The following ADAM17 variants were observed in gnomAD, a reference collection of about 807,000 sequenced individuals.
ADAM17 encodes disintegrin and metalloproteinase domain-containing protein 17.
In ADAM17, 39 loss-of-function variants were observed where a neutral mutation model predicts 96.7. That is an observed-to-expected ratio of 0.40 (90% confidence interval 0.31 to 0.53). The LOEUF is 0.53. Ranked by LOEUF, ADAM17 falls within the 20% of genes least tolerant of loss-of-function variation. The pLI is 0.44. For missense variants in ADAM17, 777 were observed against 1,013.2 expected, an observed-to-expected ratio of 0.77 and a Z score of 3.17; for synonymous variants, 344 against 359.2, an observed-to-expected ratio of 0.96 and a Z score of 0.48.
At chr2:9,520,843 A>C (rs1664275743) in intron 8 of ADAM17, among the ~76,000 whole-genome samples, 1 of 151,638 alleles carries the variant, frequency 6.6e-6, no homozygotes, top group Non-Finnish European at 1.5e-5. Flanking sequence ...GCATGCCTAT[A>C]ATCCTAGCTA....
rs1454604594 is a variant in ADAM17 at position 9,531,471 on chromosome 2, G to A, written c.451-3517C>T. ...AATCCCAGCACCTTGGGAGGCCGAC[G>A]CGGGTGGATCACCTGAGACCAGGAG... On this transcript the variant is annotated intron_variant, in intron 4 of 18. Transcript: ENST00000310823. Among the ~76,000 whole-genome samples the A allele has an allele frequency of 9.3e-5, 14 of 151,076 alleles. No individual in the cohort carries two copies. The East Asian group carries it at 2.4e-3, about 26-fold the overall frequency.
chr2:9,536,723 C>A lies in ADAM17; in HGVS notation c.336G>T (p.Gln112His), dbSNP rs1664974450. 6.2e-7 allele frequency: 1 copy of A among 1,613,946 alleles called. No homozygotes were observed. The highest frequency in any genetic ancestry group is 1.3e-5 in the African/African-American group (1 of 74,898). ...KNESEYTVKW[Q>H]DFFTGHVVGE... The stretch of plus-strand genomic sequence containing the variant: ...CAACCACGTGTCCAGTGAAGAAGTC[C>A]TGCCATTTTACAGTGTACTCGCTTT... Residue 112 changes from glutamine to histidine, a missense_variant, in exon 3 of 19, where the codon CAG becomes CAT. Physicochemically the swap from Gln to His is conservative, Grantham distance 24. Coordinates refer to ENST00000310823, the MANE Select transcript of ADAM17 (RefSeq NM_003183.6).
intron 8 of ADAM17, among the ~76,000 whole-genome samples, chr2:9,520,963 T>TGAAAAAAAAAAAAA (rs1301399286): frequency 4.8e-5 from 1 of 20,990 alleles, no homozygotes; most frequent in African/African-American, 1.5e-4. Flanking sequence ...AAACTCTGTC[T>TGAAAAAAAAAAAAA]CAAAAAAAAA....
chr2:9,534,265 G>T (rs892365951), intron 4 of ADAM17, among the ~76,000 whole-genome samples: 1 of 152,068 alleles, frequency 6.6e-6, no homozygotes. Flanking sequence ...GCTACTCAAG[G>T]GTCTAAGGCG....
At chr2:9,534,621 T>C (rs73151551) in intron 4 of ADAM17, among the ~76,000 whole-genome samples, 9,726 of 152,052 alleles carry the variant, frequency 0.064, 1,097 homozygotes, top group African/African-American at 0.22. Flanking sequence ...AAACGAAAAA[T>C]GTGTGAAGAC....
chr2:9,550,086 C>T (rs958600011), intron 1 of ADAM17, among the ~76,000 whole-genome samples: 34 of 152,134 alleles, frequency 2.2e-4, no homozygotes, highest in Admixed American at 1.2e-3. Context: ...CTTCAGCACC[C>T]CCCAAAACAC....
At chr2:9,512,995 ATCCTT>A (rs1432732256) in intron 10 of ADAM17, among the ~76,000 whole-genome samples, 1 of 151,662 alleles carries the variant, frequency 6.6e-6, no homozygotes, top group African/African-American at 2.4e-5. Context: ...ATTTCTTTGT[ATCCTT>A]TCTTTTTTTT....
At chr2:9,496,919 A>G (rs1460300111) in intron 14 of ADAM17, among the ~76,000 whole-genome samples, 195 bp downstream of exon 14, 1 of 152,220 alleles carries the variant, frequency 6.6e-6, no homozygotes, top group African/African-American at 2.4e-5. Context: ...CCAACAGGAT[A>G]GGTCTCCCAG....
chr2:9,502,643 G>C (rs888061610), intron 12 of ADAM17, among the ~76,000 whole-genome samples: 1 of 152,062 alleles, frequency 6.6e-6, no homozygotes, highest in Non-Finnish European at 1.5e-5. Context: ...TTGGGAGGCC[G>C]AGGTGGGTGG....
intron 11 of ADAM17, among the ~76,000 whole-genome samples, chr2:9,506,003 G>T (rs1331736007): frequency 6.6e-6 from 1 of 152,116 alleles, no homozygotes; most frequent in Non-Finnish European, 1.5e-5. Context: ...TCCCACCCTG[G>T]AGTACAGAAC....
intron 1 of ADAM17, among the ~76,000 whole-genome samples, chr2:9,552,743 A>G (rs996251604): frequency 6.6e-6 from 1 of 152,340 alleles, no homozygotes; most frequent in East Asian, 1.9e-4. Context: ...CTTCAACAAG[A>G]TATCATCATG....
intron 18 of ADAM17, 131 bp downstream of exon 18, chr2:9,490,970 C>A: frequency 1.3e-6 from 1 of 781,886 alleles, no homozygotes; most frequent in Admixed American, 2.6e-5. Flanking sequence ...AACATTCCAA[C>A]CTAGACCCTT....
chr2:9,534,556 AC>A (rs1352017094), intron 4 of ADAM17, among the ~76,000 whole-genome samples: 12 of 151,970 alleles, frequency 7.9e-5, no homozygotes, highest in African/African-American at 2.7e-4. Context: ...AAACAAACAA[AC>A]AAAACCCTAA....
In ADAM17 at chr2:9,526,235, T is replaced by C; in HGVS notation, c.629A>G (p.His210Arg). The change falls in exon 6 of 19, where the codon CAT becomes CGT. Residue 210 changes from histidine (H) to arginine (R), a missense_variant. By Grantham distance (29) the His-to-Arg change is conservative (BLOSUM62 0). Around this residue, in one of 3 missense-constraint regions of ADAM17, gnomAD observed 446 missense variants for 664.7 expected, o/e 0.67. Coordinates refer to ENST00000310823, the MANE Select transcript of ADAM17 (RefSeq NM_003183.6). ...TGGGTCAGCTCTTCTTTTCACTCGA[T>C]GAACAAGCTCTAATATGAATTTGTA... ...VDREPPEELV[H>R]RVKRRADPDP... 6.2e-7 allele frequency: 1 copy of C among 1,613,638 alleles called. No homozygotes were observed. Among genetic ancestry groups the C allele is most frequent in the South Asian group, 1.1e-5 (1 of 90,974 alleles).
intron 11 of ADAM17, 136 bp from the exon 12 acceptor site, chr2:9,505,501 C>T: frequency 2.4e-6 from 2 of 842,262 alleles, no homozygotes; most frequent in South Asian, 3.3e-5. Context: ...ATGGCAAGGC[C>T]ACCACAGTCT....
intron 13 of ADAM17, among the ~76,000 whole-genome samples, chr2:9,497,869 A>G (rs558730457): frequency 5.1e-4 from 78 of 152,004 alleles, no homozygotes; most frequent in African/African-American, 1.8e-3. Context: ...CCTTCATTGC[A>G]TATGTTTTGC....
At chr2:9,549,656 G>A (rs1665522219) in intron 1 of ADAM17, among the ~76,000 whole-genome samples, 1 of 151,996 alleles carries the variant, frequency 6.6e-6, no homozygotes, top group African/African-American at 2.4e-5. Context: ...TGGGACCACA[G>A]GCACATGCCA....
intron 8 of ADAM17, among the ~76,000 whole-genome samples, chr2:9,519,683 A>G (rs1178386444): frequency 1.3e-5 from 2 of 152,194 alleles, no homozygotes; most frequent in Non-Finnish European, 2.9e-5. Context: ...CCTTAATCCA[A>G]TATGGCTGGT....
intron 8 of ADAM17, 83 bp downstream of exon 8, chr2:9,521,120 G>A (rs1473284436): frequency 8.9e-7 from 1 of 1,126,832 alleles, no homozygotes; most frequent in Non-Finnish European, 1.3e-6. Context: ...TTTCTAACAT[G>A]CTCCTTCATT....
Sources: allele counts gnomAD v4.1 joint callset (sites outside exome capture counted in the v4.1 genomes callset), GRCh38; gene constraint gnomAD v4.1.1; regional missense constraint gnomAD v4.1.1; transcripts MANE v1.5; gene names NCBI Gene and HGNC (gene_info 2026-07-23, HGNC 2026-07-21).